GREB1L: variants seen among roughly 807,000 people sequenced by gnomAD.
GREB1L encodes the protein GREB1-like protein.
Under a neutral mutation model 200.8 loss-of-function variants are expected in GREB1L, and 17 were observed. The observed-to-expected ratio is 0.08, with a 90% CI of 0.06 to 0.13. The LOEUF (loss-of-function observed/expected upper bound fraction) is 0.13. Ranked by LOEUF, GREB1L falls within the 10% of genes least tolerant of loss-of-function variation. GREB1L has a pLI of 1.00. For missense variants in GREB1L, 1,657 were observed against 2,367.7 expected (o/e 0.70, Z 6.23); for synonymous variants, 789 against 893.0 (o/e 0.88, Z 2.08).
chr18:21,407,334 T>C (rs1299982335), intron 7 of GREB1L, among the ~76,000 whole-genome samples: 1 of 152,236 alleles, frequency 6.6e-6, no homozygotes, highest in Non-Finnish European at 1.5e-5. Flanking sequence ...AATTCAGGAA[T>C]AGATGAAAAA....
Position 21,515,620 on chromosome 18 carries a change from A to G in GREB1L, c.5105A>G (p.Gln1702Arg), listed in dbSNP as rs1258532896. Residue 1702 changes from glutamine to arginine, a missense_variant, in exon 29 of 33, where the codon CAG becomes CGG. Physicochemically the swap from Gln to Arg is conservative, Grantham distance 43. This residue lies in a region of GREB1L where 151 missense variants were observed against 309.6 expected (regional missense o/e 0.49). Transcript: ENST00000424526. ...ATTCTCCTCAACACAGACTTGACTC[A>G]GAATGTGCAGTATGACTTCAACAGG... Reference protein sequence around the residue: ...DFILLNTDLTQNVQYDFNRYF... With the variant: ...DFILLNTDLTRNVQYDFNRYF... The G allele has an allele frequency of 2.6e-6, 4 of 1,551,610 alleles. No homozygotes were observed. The highest frequency in any genetic ancestry group is 3.5e-6 in the Non-Finnish European group (4 of 1,146,866).
intron 1 of GREB1L, among the ~76,000 whole-genome samples, chr18:21,279,205 T>C (rs776954406): frequency 2.0e-5 from 3 of 152,144 alleles, no homozygotes; most frequent in African/African-American, 7.2e-5. Flanking sequence ...CAACTTCTTA[T>C]AGCTTTTTGC....
intron 2 of GREB1L, among the ~76,000 whole-genome samples, chr18:21,381,587 TAGTG>T (rs1598727286): frequency 1.3e-5 from 2 of 152,218 alleles, no homozygotes; most frequent in East Asian, 3.8e-4. Context: ...AAAGACAAGT[TAGTG>T]AGTAGCTTAT....
intron 27 of GREB1L, among the ~76,000 whole-genome samples, chr18:21,512,342 T>G (rs953531167): frequency 1.3e-5 from 2 of 152,242 alleles, no homozygotes; most frequent in Admixed American, 6.5e-5. Flanking sequence ...TTTATTGGTG[T>G]CTTCCTTAAT....
At chr18:21,352,009 G>A (rs1445877287) in intron 1 of GREB1L, among the ~76,000 whole-genome samples, 5 of 151,456 alleles carry the variant, frequency 3.3e-5, no homozygotes, top group East Asian at 3.9e-4. Context: ...CACCACGCCC[G>A]GCTAATTTTT....
chr18:21,388,361 G>A (rs1017431717), intron 4 of GREB1L, among the ~76,000 whole-genome samples: 2 of 151,856 alleles, frequency 1.3e-5, no homozygotes, highest in African/African-American at 4.8e-5. Context: ...TCTTAGTATA[G>A]GACATTTGCT....
intron 2 of GREB1L, among the ~76,000 whole-genome samples, chr18:21,381,159 G>A (rs13381192): frequency 0.15 from 22,538 of 151,470 alleles, 3,580 homozygotes; most frequent in African/African-American, 0.39. Flanking sequence ...GGAGAATGGC[G>A]TGAACCTGGG....
At chr18:21,278,440 C>A (rs1415989050) in intron 1 of GREB1L, among the ~76,000 whole-genome samples, 21 of 148,744 alleles carry the variant, frequency 1.4e-4, no homozygotes, top group African/African-American at 3.9e-4. Context: ...AAAGTTACAA[C>A]AGCATCCTCC....
intron 14 of GREB1L, among the ~76,000 whole-genome samples, chr18:21,452,892 C>T (rs926484211): frequency 6.6e-6 from 1 of 152,122 alleles, no homozygotes; most frequent in African/African-American, 2.4e-5. Flanking sequence ...CACTTGGCCC[C>T]CACTTGATAG....
At chr18:21,372,003 G>C (rs543669514) in intron 2 of GREB1L, among the ~76,000 whole-genome samples, 1 of 152,206 alleles carries the variant, frequency 6.6e-6, no homozygotes, top group Admixed American at 6.5e-5. Context: ...TTTGAATTAA[G>C]GTCATTGGAC....
chr18:21,501,247 TG>T (rs1349028843), intron 23 of GREB1L, among the ~76,000 whole-genome samples: 7 of 150,906 alleles, frequency 4.6e-5, no homozygotes, highest in African/African-American at 9.7e-5. Flanking sequence ...GTTTTTGGGC[TG>T]TTTTTTTTTT....
At chr18:21,436,717 T>TGTGTGTGTGTG (rs1568009671) in intron 7 of GREB1L, among the ~76,000 whole-genome samples, 9 of 147,866 alleles carry the variant, frequency 6.1e-5, no homozygotes, top group African/African-American at 2.0e-4. Context: ...TGTGTGTGTG[T>TGTGTGTGTGTG]TTTCTTTTTC....
intron 1 of GREB1L, among the ~76,000 whole-genome samples, chr18:21,356,202 C>T (rs1403341419): frequency 4.0e-5 from 6 of 150,974 alleles, no homozygotes; most frequent in Non-Finnish European, 8.8e-5. Context: ...AGGCTGGTCT[C>T]GAACTCCTGA....
intron 7 of GREB1L, among the ~76,000 whole-genome samples, chr18:21,416,455 A>T (rs964948565): frequency 6.6e-6 from 1 of 152,078 alleles, no homozygotes; most frequent in Non-Finnish European, 1.5e-5. Context: ...TAAGAAACAT[A>T]AAACTACACC....
At chr18:21,502,182 C>T (rs752265655) in intron 23 of GREB1L, among the ~76,000 whole-genome samples, 3 of 151,184 alleles carry the variant, frequency 2.0e-5, no homozygotes, top group Non-Finnish European at 4.4e-5. Flanking sequence ...ACCCGGGAGG[C>T]GGAGTTTGCA....
At chr18:21,377,970 A>C (rs1370066456) in intron 2 of GREB1L, among the ~76,000 whole-genome samples, 2 of 152,122 alleles carry the variant, frequency 1.3e-5, no homozygotes, top group Non-Finnish European at 2.9e-5. Flanking sequence ...GCCTCAAGCA[A>C]TCCTACCTCA....
chr18:21,243,366 C>G (rs2037538807), intron 1 of GREB1L, among the ~76,000 whole-genome samples: 1 of 152,166 alleles, frequency 6.6e-6, no homozygotes, highest in Non-Finnish European at 1.5e-5. Flanking sequence ...TCAGTCTTGC[C>G]CCTTTCTCCG....
intron 15 of GREB1L, among the ~76,000 whole-genome samples, chr18:21,472,591 G>GT (rs146558199): frequency 0.22 from 32,799 of 149,914 alleles, 4,146 homozygotes; most frequent in East Asian, 0.43. Flanking sequence ...CATTATATTG[G>GT]TTTTTTTTTT....
At chr18:21,396,288 G>T (rs905014870) in intron 5 of GREB1L, among the ~76,000 whole-genome samples, 5 of 152,020 alleles carry the variant, frequency 3.3e-5, no homozygotes, top group Non-Finnish European at 7.4e-5. Flanking sequence ...CAGATGATCT[G>T]CCTGCCTTGG....
Sources: gnomAD v4.1 joint callset for allele counts (sites outside exome capture counted in the v4.1 genomes callset) on GRCh38, gnomAD v4.1.1 for gene constraint, gnomAD v4.1.1 regional missense constraint, MANE v1.5 for transcripts, NCBI Gene and HGNC (gene_info 2026-07-23, HGNC 2026-07-21) for gene names.